AGBL1: variants seen among roughly 807,000 people sequenced by gnomAD.
The protein encoded by AGBL1 is cytosolic carboxypeptidase 4.
AGBL1 carries 130 observed loss-of-function variants against 118.9 expected under a neutral mutation model. The ratio of observed to expected loss-of-function variants is 1.09; its 90% CI spans 0.95 to 1.26. The LOEUF (loss-of-function observed/expected upper bound fraction) is 1.26. AGBL1 is among the 50% of genes most tolerant of loss of function. The pLI is 0.00. For synonymous variants in AGBL1, 555 were observed against 478.9 expected (o/e 1.16, Z -2.08); for missense variants, 1,584 against 1,298.1 (o/e 1.22, Z -3.38).
chr15:86,571,181 C>G (rs1024441372), intron 21 of AGBL1, among the ~76,000 whole-genome samples: 2 of 152,146 alleles, frequency 1.3e-5, no homozygotes, highest in African/African-American at 4.8e-5. Context: ...AAGATGGAGT[C>G]ACATCCCTGG....
At chr15:86,819,220 T>C (rs879714758) in intron 22 of AGBL1, among the ~76,000 whole-genome samples, 13 of 152,034 alleles carry the variant, frequency 8.6e-5, no homozygotes, top group Admixed American at 8.5e-4. Context: ...GTGATACTAA[T>C]AGTAGTGGCA....
intron 17 of AGBL1, among the ~76,000 whole-genome samples, chr15:86,302,000 T>C (rs747374408): frequency 6.6e-5 from 10 of 152,190 alleles, no homozygotes; most frequent in Non-Finnish European, 1.3e-4. Context: ...TTTCTCACTG[T>C]TGTTGATCTG....
At chr15:86,416,355 G>A (rs1183274373) in intron 18 of AGBL1, among the ~76,000 whole-genome samples, 1 of 152,152 alleles carries the variant, frequency 6.6e-6, no homozygotes, top group East Asian at 1.9e-4. Flanking sequence ...AAATGAAAAT[G>A]TCCAAAGCTT....
At chr15:86,588,637 G>A (rs1460087345) in intron 21 of AGBL1, among the ~76,000 whole-genome samples, 2 of 152,088 alleles carry the variant, frequency 1.3e-5, no homozygotes, top group Non-Finnish European at 2.9e-5. Flanking sequence ...TGTGTGTCAG[G>A]GCCTCTGTGA....
intron 17 of AGBL1, among the ~76,000 whole-genome samples, chr15:86,366,157 G>A (rs1340603530): frequency 6.6e-6 from 1 of 152,026 alleles, no homozygotes; most frequent in African/African-American, 2.4e-5. Context: ...ATCTAGAAAA[G>A]GCTGTAACAC....
chr15:86,166,066 C>T (rs1334638528), intron 5 of AGBL1, among the ~76,000 whole-genome samples: 1 of 152,278 alleles, frequency 6.6e-6, no homozygotes, highest in African/African-American at 2.4e-5. Flanking sequence ...CTTAAGGGAC[C>T]TTCTTATCAT....
intron 18 of AGBL1, among the ~76,000 whole-genome samples, chr15:86,453,111 A>G (rs949652216): frequency 1.3e-5 from 2 of 152,290 alleles, no homozygotes; most frequent in East Asian, 1.9e-4. Context: ...CCATGAGGGT[A>G]GGGACTTTGT....
Position 86,262,879 on chromosome 15 carries a change from C to G in AGBL1, c.1071C>G (p.Leu357=). ...LMQYEVMCLE[L]SYSFEELQSK... is the part of the protein sequence containing the mutation. ...AATATGAGGTGATGTGTCTTGAGCT[C>G]TCCTATAGCTTTGAGGTAGGACATA... The change falls in exon 10 of 23, where the codon CTC becomes CTG. Residue 357 remains leucine, a synonymous_variant. Transcript: ENST00000614907. The G allele has an allele frequency of 1.9e-6, 3 of 1,606,144 alleles. No individual in the cohort carries two copies. The highest frequency in any genetic ancestry group is 2.6e-6 in the Non-Finnish European group (3 of 1,175,944).
At chr15:87,025,605 C>T (rs2081718932) in intron 24 of AGBL1, among the ~76,000 whole-genome samples, 1 of 151,854 alleles carries the variant, frequency 6.6e-6, no homozygotes, top group African/African-American at 2.4e-5. Context: ...GAGCAATACC[C>T]ATCAAAATAC....
intron 1 of AGBL1, among the ~76,000 whole-genome samples, chr15:86,103,771 C>T (rs866123521): frequency 1.3e-4 from 20 of 152,282 alleles, no homozygotes; most frequent in African/African-American, 1.4e-4. Flanking sequence ...TTTCCTTGGT[C>T]CTCAGGGTGG....
At chr15:86,539,674 G>T (rs1169433325) in intron 19 of AGBL1, among the ~76,000 whole-genome samples, 3 of 152,160 alleles carry the variant, frequency 2.0e-5, no homozygotes, top group Admixed American at 6.5e-5. Flanking sequence ...CAAATCTACA[G>T]ATCCTTCTTG....
At chr15:86,587,218 C>T (rs79848102) in intron 21 of AGBL1, among the ~76,000 whole-genome samples, 1 of 152,078 alleles carries the variant, frequency 6.6e-6, no homozygotes, top group East Asian at 1.9e-4. Flanking sequence ...GAGGCACGGA[C>T]AGGATGAATA....
intron 1 of AGBL1, among the ~76,000 whole-genome samples, chr15:86,141,374 C>T (rs1033405528): frequency 6.6e-6 from 1 of 152,132 alleles, no homozygotes; most frequent in African/African-American, 2.4e-5. Flanking sequence ...AAAAATAAGC[C>T]GGCCGGGTGT....
At chr15:86,526,263 T>C (rs1275726957) in intron 19 of AGBL1, among the ~76,000 whole-genome samples, 1 of 152,070 alleles carries the variant, frequency 6.6e-6, no homozygotes, top group East Asian at 1.9e-4. Flanking sequence ...ACACTACCAA[T>C]GGGAATGTAT....
chr15:86,479,156 C>G (rs555539319), intron 18 of AGBL1, among the ~76,000 whole-genome samples: 1 of 152,274 alleles, frequency 6.6e-6, no homozygotes, highest in South Asian at 2.1e-4. Context: ...CAATACCATT[C>G]AGGACATAGG....
intron 17 of AGBL1, among the ~76,000 whole-genome samples, chr15:86,325,384 A>G (rs2080168921): frequency 6.6e-6 from 1 of 152,168 alleles, no homozygotes; most frequent in South Asian, 2.1e-4. Flanking sequence ...AGTTTCTTAA[A>G]TGGGTAACTT....
intron 18 of AGBL1, among the ~76,000 whole-genome samples, chr15:86,520,823 A>G (rs2083180840): frequency 6.6e-6 from 1 of 152,228 alleles, no homozygotes; most frequent in Non-Finnish European, 1.5e-5. Context: ...TGTGCCTGCA[A>G]GTACCTTGAT....
chr15:86,412,579 G>A (rs1357361701), intron 18 of AGBL1, among the ~76,000 whole-genome samples: 1 of 152,122 alleles, frequency 6.6e-6, no homozygotes, highest in Non-Finnish European at 1.5e-5. Context: ...GCAGCATAGT[G>A]GCTTTCCCAT....
At chr15:86,721,052 C>T (rs185084131) in intron 22 of AGBL1, among the ~76,000 whole-genome samples, 6 of 152,246 alleles carry the variant, frequency 3.9e-5, no homozygotes, top group Admixed American at 2.6e-4. Context: ...GGATTCACAG[C>T]TGAATTCTAC....
Sources: gnomAD v4.1 joint callset for allele counts (sites outside exome capture counted in the v4.1 genomes callset) on GRCh38, gnomAD v4.1.1 for gene constraint, MANE v1.5 for transcripts, NCBI Gene and HGNC (gene_info 2026-07-23, HGNC 2026-07-21) for gene names.